Variants in EDNRB observed in about 807,000 individuals in gnomAD.
EDNRB encodes the protein Hirschsprung disease 2.
Under a neutral mutation model 46.4 loss-of-function variants are expected in EDNRB, and 18 were observed. The observed-to-expected ratio is 0.39, with a 90% CI of 0.27 to 0.57. EDNRB has a LOEUF of 0.57. Ranked by LOEUF, EDNRB falls within the 20% of genes least tolerant of loss-of-function variation. The pLI is 0.61. For missense variants in EDNRB, 434 were observed against 537.5 expected (o/e 0.81, Z 1.90); for synonymous variants, 213 against 204.9 (o/e 1.04, Z -0.34).
Position 77,903,509 on chromosome 13 carries a change from A to G in EDNRB, c.582T>C (p.Ala194=). 5 of 1,612,904 alleles carry G rather than the reference A, an allele frequency of 3.1e-6. No individual in the cohort carries two copies. The highest frequency in any genetic ancestry group is 4.2e-6 in the Non-Finnish European group (5 of 1,179,268). The change falls in exon 2 of 7, where the codon GCT becomes GCC. Residue 194 remains alanine (A), a synonymous_variant. Coordinates refer to ENST00000646607, the MANE Select transcript of EDNRB (RefSeq NM_001122659.3). The part of the protein sequence containing the change: ...SVGITVLSLC[A]LSIDRYRAVA... ...GAAGCTTCTACCTGTCAATACTCAG[A>G]GCACATAGACTCAGCACAGTGATTC...
At chr13:77,928,589 A>G (rs1171103049) in intron 1 of EDNRB, among the ~76,000 whole-genome samples, 1 of 152,220 alleles carries the variant, frequency 6.6e-6, no homozygotes, top group African/African-American at 2.4e-5. Context: ...CCCTAACAAC[A>G]CATTTAAGTT....
At chr13:77,950,603 G>A (rs1881064014) in intron 1 of EDNRB, among the ~76,000 whole-genome samples, 1 of 152,152 alleles carries the variant, frequency 6.6e-6, no homozygotes, top group Non-Finnish European at 1.5e-5. Flanking sequence ...CATCAAGCAT[G>A]CACACACCTG....
At chr13:77,966,782 A>T (rs1269107429) in intron 1 of EDNRB, among the ~76,000 whole-genome samples, 1 of 152,090 alleles carries the variant, frequency 6.6e-6, no homozygotes, top group East Asian at 1.9e-4. Context: ...TATATTTATG[A>T]TTTCTTCTGA....
At position 77,895,694 on chromosome 13, in the gene EDNRB, T is replaced by C. The variant is rs1878586726; in HGVS notation, c.*2506A>G. ...TTTTGCTTACATAATAAAAAATCAG[T>C]AACTATAGCCACTTTAGGCAACCAA... On this transcript the variant is annotated 3_prime_UTR_variant, in exon 7 of 7. Coordinates refer to ENST00000646607, the MANE Select transcript of EDNRB (RefSeq NM_001122659.3). 1.3e-5 allele frequency: 2 copies of C among 152,176 alleles called. No homozygotes were observed. The highest frequency in any genetic ancestry group is 1.3e-4 in the Admixed American group (2 of 15,264). 9.4% of individuals were successfully genotyped at this position (152,176 alleles called of 1,614,324 possible). A position where few individuals can be genotyped will look rare whatever the true frequency, so the allele number is the denominator to read the frequency against.
intron 1 of EDNRB, among the ~76,000 whole-genome samples, chr13:77,908,620 AC>A (rs1170899023): frequency 1.3e-5 from 2 of 152,016 alleles, no homozygotes; most frequent in Non-Finnish European, 2.9e-5. Context: ...AAATGGATTC[AC>A]TTTATTGCAA....
chr13:77,903,304 G>A lies in EDNRB; in HGVS notation c.653C>T (p.Thr218Ile), dbSNP rs1201160161. The change falls in exon 3 of 7, where the codon ACA becomes ATA. Residue 218 changes from threonine (T) to isoleucine (I), a missense_variant. Coordinates refer to ENST00000646607, the MANE Select transcript of EDNRB (RefSeq NM_001122659.3). Reference sequence around the variant, plus strand: ...CCAAATCAAAACAATTTCTACTGCTGTCCATTTTGGAACCCCAATTCCTTT... The same window carrying A: ...CCAAATCAAAACAATTTCTACTGCTATCCATTTTGGAACCCCAATTCCTTT... ...RIKGIGVPKW[T>I]AVEIVLIWVV... 6.2e-7 allele frequency: 1 copy of A among 1,612,716 alleles called. No homozygotes were observed. Among genetic ancestry groups the A allele is most frequent in the Admixed American group, 1.7e-5 (1 of 59,890 alleles).
At position 77,918,518 on chromosome 13, in the gene EDNRB, C is replaced by T; in HGVS notation, c.56G>A (p.Cys19Tyr). 6.3e-7 allele frequency: 1 copy of T among 1,584,122 alleles called. No individual in the cohort carries two copies. The highest frequency in any genetic ancestry group is 8.6e-7 in the Non-Finnish European group (1 of 1,168,912). The change falls in exon 1 of 7, where the codon TGC becomes TAC. Residue 19 changes from cysteine to tyrosine, a missense_variant. Physicochemically the swap from Cys to Tyr is radical, Grantham distance 194. Coordinates refer to ENST00000646607, the MANE Select transcript of EDNRB (RefSeq NM_001122659.3). This position sits in a 1 kb window ranked among gnomAD's most constrained non-coding sequence, Gnocchi z 4.5. ...GRALVALVLA[C>Y]GLSRIWGEER... is the part of the protein sequence containing the mutation. ...CTCTCCCCAGATCCGCGACAGGCCG[C>T]AGGCAAGAACCAGCGCAACCAGGGC...
intron 1 of EDNRB, among the ~76,000 whole-genome samples, chr13:77,913,149 G>T (rs879388368): frequency 6.6e-6 from 1 of 152,180 alleles, no homozygotes; most frequent in Admixed American, 6.5e-5. Context: ...AATCCTGATT[G>T]TGTCACAAGC....
intron 6 of EDNRB, among the ~76,000 whole-genome samples, chr13:77,898,902 C>A (rs915350681): frequency 6.6e-6 from 1 of 151,886 alleles, no homozygotes. Context: ...ATACTGCTTT[C>A]CTATTTTTTC....
At chr13:77,971,581 G>A (rs1331332542) in intron 1 of EDNRB, among the ~76,000 whole-genome samples, 2 of 138,160 alleles carry the variant, frequency 1.4e-5, no homozygotes, top group Non-Finnish European at 3.0e-5. Flanking sequence ...GGGCCAACAT[G>A]AGTTTTTTTT....
chr13:77,941,948 T>G (rs1257493588), intron 1 of EDNRB, among the ~76,000 whole-genome samples: 1 of 152,230 alleles, frequency 6.6e-6, no homozygotes, highest in Non-Finnish European at 1.5e-5. Flanking sequence ...TTGTCAGTAT[T>G]ATGAAGCAGT....
At chr13:77,909,258 A>G (rs1448623839) in intron 1 of EDNRB, among the ~76,000 whole-genome samples, 1 of 152,076 alleles carries the variant, frequency 6.6e-6, no homozygotes, top group Non-Finnish European at 1.5e-5. Flanking sequence ...ATTCTATTAC[A>G]TTATAAAGTC....
chr13:77,952,417 G>A (rs1881117921), intron 1 of EDNRB, among the ~76,000 whole-genome samples: 1 of 152,180 alleles, frequency 6.6e-6, no homozygotes, highest in African/African-American at 2.4e-5. Context: ...GTCTGAGTCT[G>A]TTTAATAAAC....
intron 1 of EDNRB, among the ~76,000 whole-genome samples, chr13:77,961,906 G>A (rs1036885234): frequency 1.3e-5 from 2 of 152,034 alleles, no homozygotes; most frequent in African/African-American, 4.8e-5. Flanking sequence ...GAAGACAAGA[G>A]AGAAGAATCA....
intron 1 of EDNRB, among the ~76,000 whole-genome samples, chr13:77,946,025 A>G (rs1308571047): frequency 6.6e-6 from 1 of 152,216 alleles, no homozygotes; most frequent in East Asian, 1.9e-4. Flanking sequence ...TATTCCTTGA[A>G]AAATTTACCA....
At chr13:77,917,421 G>T (rs1219196964) in intron 1 of EDNRB, among the ~76,000 whole-genome samples, 1 of 152,126 alleles carries the variant, frequency 6.6e-6, no homozygotes, top group Non-Finnish European at 1.5e-5. Flanking sequence ...TTTTTTCCAG[G>T]CCATTTATTT....
chr13:77,936,880 G>A (rs192444872), intron 1 of EDNRB, among the ~76,000 whole-genome samples: 2 of 152,364 alleles, frequency 1.3e-5, no homozygotes, highest in Non-Finnish European at 2.9e-5. Flanking sequence ...TGCTGGAGGT[G>A]TGGCTGGGTT....
At chr13:77,949,731 G>GACC (rs1316484011) in intron 1 of EDNRB, among the ~76,000 whole-genome samples, 4 of 152,124 alleles carry the variant, frequency 2.6e-5, no homozygotes, top group Non-Finnish European at 4.4e-5. Context: ...CAGACAATTG[G>GACC]ACCAGCATGT....
At chr13:77,948,662 G>C (rs1374068962) in intron 1 of EDNRB, among the ~76,000 whole-genome samples, 1 of 152,114 alleles carries the variant, frequency 6.6e-6, no homozygotes, top group Non-Finnish European at 1.5e-5. Flanking sequence ...GTTTAGAATA[G>C]CTATTGTACT....
Sources: allele counts gnomAD v4.1 joint callset (sites outside exome capture counted in the v4.1 genomes callset), GRCh38; gene constraint gnomAD v4.1.1; non-coding constraint Gnocchi (gnomAD v3.1); transcripts MANE v1.5; gene names NCBI Gene and HGNC (gene_info 2026-07-23, HGNC 2026-07-21).